The following ARHGAP6 variants were observed in gnomAD, a reference collection of about 807,000 sequenced individuals.
The protein encoded by ARHGAP6 is Rho GTPase activating protein 6.
ARHGAP6 carries 16 observed loss-of-function variants against 55.7 expected under a neutral mutation model. That is an observed-to-expected ratio of 0.29 (90% CI 0.19 to 0.44). The LOEUF (loss-of-function observed/expected upper bound fraction) is 0.44, where lower values mean the gene tolerates loss of function less well. Ranked by LOEUF, ARHGAP6 falls within the 20% of genes least tolerant of loss-of-function variation. The pLI is 1.00. For missense variants in ARHGAP6, 698 were observed against 808.9 expected (o/e 0.86, Z 1.66); for synonymous variants, 382 against 360.9 (o/e 1.06, Z -0.66).
intron 1 of ARHGAP6, among the ~76,000 whole-genome samples, chrX:11,287,074 AATTATGT>A (rs200673652): frequency 0.034 from 3,805 of 112,049 alleles, 165 homozygotes; most frequent in African/African-American, 0.12. Context: ...TATAGCATAT[AATTATGT>A]ATTAAGTTAT....
At chrX:11,445,080 A>C (rs1204905754) in intron 1 of ARHGAP6, among the ~76,000 whole-genome samples, 1 of 112,551 alleles carries the variant, frequency 8.9e-6, no homozygotes, top group Non-Finnish European at 1.9e-5. Context: ...TAAACTCAGC[A>C]GTAACTCCCT....
chrX:11,343,228 G>C (rs750040161), intron 1 of ARHGAP6, among the ~76,000 whole-genome samples: 16 of 112,330 alleles, frequency 1.4e-4, no homozygotes, highest in African/African-American at 4.5e-4. Context: ...TTGACCAGAT[G>C]CGTTTAAAAA....
In ARHGAP6 at chrX:11,220,571, C is replaced by T. The variant is rs181818920; in HGVS notation, c.749-23575G>A. 3.0e-3 allele frequency among the ~76,000 whole-genome samples: 331 copies of T among 110,512 alleles called. 1 individual carries two copies. The highest frequency in any genetic ancestry group is 0.011 in the African/African-American group (322 of 30,466). On this transcript the variant is annotated intron_variant, in intron 2 of 12. Transcript: ENST00000337414. ...AAGGAGAAATAAAATACTTTACAGC[C>T]AAGCAAATGCTGAGAGATTTTGTCA...
At chrX:11,396,644 G>A (rs1484724732) in intron 1 of ARHGAP6, among the ~76,000 whole-genome samples, 2 of 111,460 alleles carry the variant, frequency 1.8e-5, no homozygotes, top group African/African-American at 6.5e-5. Flanking sequence ...AACATACTGT[G>A]CACATGCAAG....
At chrX:11,649,799 A>T (rs1425730609) in intron 1 of ARHGAP6, among the ~76,000 whole-genome samples, 3 of 111,970 alleles carry the variant, frequency 2.7e-5, no homozygotes, top group Non-Finnish European at 5.6e-5. Flanking sequence ...AGTTACATGT[A>T]TGTACATATA....
intron 1 of ARHGAP6, among the ~76,000 whole-genome samples, chrX:11,395,950 T>C (rs1415948279): frequency 9.0e-6 from 1 of 111,175 alleles, no homozygotes; most frequent in Admixed American, 9.6e-5. Context: ...TTTAAAAAAA[T>C]AGTAATATTT....
chrX:11,484,158 T>C (rs1473986964), intron 1 of ARHGAP6, among the ~76,000 whole-genome samples: 1 of 111,567 alleles, frequency 9.0e-6, no homozygotes, highest in Non-Finnish European at 1.9e-5. Flanking sequence ...TTGGGTTGTA[T>C]CCTAAAAGTC....
chrX:11,552,294 C>A (rs1267753857), intron 1 of ARHGAP6, among the ~76,000 whole-genome samples: 1 of 107,805 alleles, frequency 9.3e-6, no homozygotes, highest in East Asian at 2.9e-4. Flanking sequence ...GATGTGGAGA[C>A]AAAGGAAGCC....
At chrX:11,367,010 G>A (rs1392512123) in intron 1 of ARHGAP6, among the ~76,000 whole-genome samples, 1 of 111,718 alleles carries the variant, frequency 9.0e-6, no homozygotes, top group Non-Finnish European at 1.9e-5. Flanking sequence ...CCAGAGGTAG[G>A]AGGAGAAATA....
intron 1 of ARHGAP6, among the ~76,000 whole-genome samples, chrX:11,648,694 C>G (rs1372384110): frequency 8.9e-6 from 1 of 112,057 alleles, no homozygotes; most frequent in Non-Finnish European, 1.9e-5. Context: ...ACTGAGAAAA[C>G]TGAAATTCAC....
At chrX:11,588,224 G>A (rs1172391435) in intron 1 of ARHGAP6, among the ~76,000 whole-genome samples, 1 of 111,562 alleles carries the variant, frequency 9.0e-6, no homozygotes, top group Non-Finnish European at 1.9e-5. Context: ...AAGTAATACA[G>A]GTTTATCTTA....
At chrX:11,463,272 A>G (rs2050262505) in intron 1 of ARHGAP6, among the ~76,000 whole-genome samples, 2 of 112,032 alleles carry the variant, frequency 1.8e-5, no homozygotes, top group Non-Finnish European at 3.8e-5. Context: ...ATGGAGGGAA[A>G]AATGGGAGAA....
intron 1 of ARHGAP6, among the ~76,000 whole-genome samples, chrX:11,519,698 C>A (rs551493665): frequency 9.2e-6 from 1 of 108,643 alleles, no homozygotes; most frequent in Admixed American, 9.9e-5. Flanking sequence ...CTACAACTAT[C>A]TGATCTTTGA....
chrX:11,246,877 C>T (rs953703799), intron 2 of ARHGAP6, among the ~76,000 whole-genome samples: 1 of 112,197 alleles, frequency 8.9e-6, no homozygotes, highest in Non-Finnish European at 1.9e-5. Context: ...TCTAGCACAT[C>T]ACCTCTTCAA....
intron 1 of ARHGAP6, chrX:11,294,806 A>G (rs757235287): frequency 2.5e-6 from 3 of 1,211,699 alleles, no homozygotes; most frequent in Non-Finnish European, 3.4e-6. Flanking sequence ...CCTGGATTTT[A>G]TTTGCCTGCC....
intron 1 of ARHGAP6, among the ~76,000 whole-genome samples, chrX:11,354,695 G>A (rs1022610808): frequency 4.5e-5 from 5 of 110,914 alleles, no homozygotes; most frequent in African/African-American, 1.6e-4. Context: ...AAACTTTGTG[G>A]ATCAGACAGT....
At chrX:11,540,483 C>A (rs1268651934) in intron 1 of ARHGAP6, among the ~76,000 whole-genome samples, 1 of 110,641 alleles carries the variant, frequency 9.0e-6, no homozygotes, top group East Asian at 2.8e-4. Flanking sequence ...GGGTAGAGAG[C>A]AGAGTTCCAC....
chrX:11,386,200 T>C (rs964292925), intron 1 of ARHGAP6, among the ~76,000 whole-genome samples: 5 of 113,133 alleles, frequency 4.4e-5, no homozygotes, highest in Admixed American at 3.7e-4. Flanking sequence ...GAACCTGAGA[T>C]GCCTTTTTGC....
At chrX:11,415,101 A>T (rs781417354) in intron 1 of ARHGAP6, among the ~76,000 whole-genome samples, 1 of 112,357 alleles carries the variant, frequency 8.9e-6, no homozygotes, top group African/African-American at 3.2e-5. Flanking sequence ...CAATGCATAC[A>T]TATTTCAAAA....
Sources: allele counts gnomAD v4.1 joint callset (sites outside exome capture counted in the v4.1 genomes callset), GRCh38; gene constraint gnomAD v4.1.1; transcripts MANE v1.5; gene names NCBI Gene and HGNC (gene_info 2026-07-23, HGNC 2026-07-21).